Variants in CHSY3 observed in about 807,000 individuals in gnomAD.
The protein encoded by CHSY3 is chondroitin sulfate synthase 3, also known as N-acetylgalactosaminyl-proteoglycan 3-beta-glucuronosyltransferase 3.
A neutral mutation model predicts 67.2 loss-of-function variants in CHSY3; 35 were observed. The observed-to-expected ratio is 0.52, with a 90% CI of 0.40 to 0.69. The LOEUF is 0.69. Ranked by LOEUF, CHSY3 falls within the 30% of genes least tolerant of loss-of-function variation. The pLI is 0.00. For missense variants in CHSY3, 1,069 were observed against 1,138.5 expected (o/e 0.94, Z 0.88); for synonymous variants, 474 against 434.7 (o/e 1.09, Z -1.12).
chr5:129,910,206 A>G (rs1760487765), intron 2 of CHSY3, among the ~76,000 whole-genome samples: 1 of 152,042 alleles, frequency 6.6e-6, no homozygotes, highest in African/African-American at 2.4e-5. Context: ...ATGTAAGAGC[A>G]AACAAAAGAG....
intron 2 of CHSY3, among the ~76,000 whole-genome samples, chr5:130,032,776 T>C (rs1305517800): frequency 1.3e-5 from 2 of 152,164 alleles, no homozygotes; most frequent in Non-Finnish European, 2.9e-5. Flanking sequence ...TTGTTGGAGT[T>C]TCCCAAGATG....
At chr5:130,166,370 C>T (rs917051936) in intron 2 of CHSY3, among the ~76,000 whole-genome samples, 2 of 152,076 alleles carry the variant, frequency 1.3e-5, no homozygotes, top group Non-Finnish European at 2.9e-5. Context: ...CTCATGAAAT[C>T]ATTTTATTAA....
At chr5:130,110,974 T>A (rs1036845586) in intron 2 of CHSY3, among the ~76,000 whole-genome samples, 3 of 152,010 alleles carry the variant, frequency 2.0e-5, no homozygotes, top group African/African-American at 7.2e-5. Flanking sequence ...TGAATTTTTA[T>A]TGCTAGCTCT....
chr5:130,122,110 C>T, intron 2 of CHSY3, among the ~76,000 whole-genome samples: 1 of 152,156 alleles, frequency 6.6e-6, no homozygotes, highest in East Asian at 1.9e-4. Context: ...CCAGAATATA[C>T]ATGAATACAT....
At chr5:130,005,364 G>A (rs149136195) in intron 2 of CHSY3, among the ~76,000 whole-genome samples, 2,418 of 151,860 alleles carry the variant, frequency 0.016, 51 homozygotes, top group African/African-American at 0.054. Flanking sequence ...GCAGTGAGCC[G>A]AGATTGCGCC....
chr5:129,968,899 T>G (rs529057921), intron 2 of CHSY3, among the ~76,000 whole-genome samples: 2 of 151,834 alleles, frequency 1.3e-5, no homozygotes, highest in Admixed American at 1.3e-4. Context: ...CACAGTTAAC[T>G]GAGTCAGAAT....
chr5:129,994,854 A>T (rs963096468), intron 2 of CHSY3, among the ~76,000 whole-genome samples: 1 of 146,506 alleles, frequency 6.8e-6, no homozygotes, highest in African/African-American at 2.5e-5. Flanking sequence ...CAATGAGAAC[A>T]CTTGGACACA....
intron 2 of CHSY3, among the ~76,000 whole-genome samples, chr5:129,997,698 C>G (rs530056883): frequency 1.3e-5 from 2 of 152,068 alleles, no homozygotes; most frequent in Non-Finnish European, 2.9e-5. Context: ...TGATGTTTCC[C>G]GCCCTGTGTC....
intron 2 of CHSY3, among the ~76,000 whole-genome samples, chr5:129,924,662 T>A (rs1410312265): frequency 4.9e-5 from 7 of 143,992 alleles, no homozygotes; most frequent in Admixed American, 4.2e-4. Flanking sequence ...AAAAAAAAAA[T>A]AGAATTAACT....
chr5:130,069,676 T>C (rs1765998470), intron 2 of CHSY3, among the ~76,000 whole-genome samples: 1 of 152,072 alleles, frequency 6.6e-6, no homozygotes, highest in African/African-American at 2.4e-5. Flanking sequence ...ATGATTTGAA[T>C]CTTCACTATC....
chr5:129,943,815 G>T (rs1353317806), intron 2 of CHSY3, among the ~76,000 whole-genome samples: 1 of 152,154 alleles, frequency 6.6e-6, no homozygotes, highest in Non-Finnish European at 1.5e-5. Flanking sequence ...ATAATGATGA[G>T]CATTTACAGC....
At chr5:130,164,172 C>T (rs1187211234) in intron 2 of CHSY3, among the ~76,000 whole-genome samples, 2 of 152,170 alleles carry the variant, frequency 1.3e-5, no homozygotes, top group African/African-American at 4.8e-5. Context: ...TAAAAACTCT[C>T]TATCTGTATT....
intron 2 of CHSY3, among the ~76,000 whole-genome samples, chr5:129,931,462 G>C (rs1265363904): frequency 6.6e-6 from 1 of 152,118 alleles, no homozygotes; most frequent in Non-Finnish European, 1.5e-5. Flanking sequence ...GAATGCTATA[G>C]ATATTTGATC....
rs143747737 is a variant in CHSY3, at chr5:130,051,290, G to A, written c.1087-132939G>A. Among the ~76,000 whole-genome samples, 3 of 152,132 alleles carry A rather than the reference G, an allele frequency of 2.0e-5. No homozygotes were observed. The East Asian group carries it at 5.8e-4, about 29-fold the overall frequency. Reference sequence around the variant, plus strand: ...ATATATTCATTTGTTGCTTCTGTAAGTAAAATATAAAGAATATAATTGAAA... The same window carrying A: ...ATATATTCATTTGTTGCTTCTGTAAATAAAATATAAAGAATATAATTGAAA... On this transcript the variant is annotated intron_variant, in intron 2 of 2. Coordinates refer to ENST00000305031, the MANE Select transcript of CHSY3 (RefSeq NM_175856.5).
chr5:129,918,522 C>T (rs187298803), intron 2 of CHSY3, among the ~76,000 whole-genome samples: 52 of 152,080 alleles, frequency 3.4e-4, no homozygotes, highest in African/African-American at 1.4e-4. Context: ...GCTATGATGG[C>T]GGAAAGTACA....
intron 2 of CHSY3, among the ~76,000 whole-genome samples, chr5:130,121,708 A>C (rs1004757456): frequency 1.3e-5 from 2 of 152,224 alleles, no homozygotes; most frequent in African/African-American, 2.4e-5. Flanking sequence ...CTTAAAAAAC[A>C]AAAACAAAAA....
At chr5:130,071,309 G>A (rs541517149) in intron 2 of CHSY3, among the ~76,000 whole-genome samples, 3 of 152,060 alleles carry the variant, frequency 2.0e-5, no homozygotes, top group East Asian at 1.9e-4. Context: ...GGACTTTTAC[G>A]TTTATATGTT....
rs1466942619 is a variant in CHSY3 at position 130,020,444 on chromosome 5, TATATATATATA to T, written c.1086+112085_1086+112095del. The stretch of plus-strand genomic sequence containing the variant: ...CAAAATATATATATATATATATATA[TATATATATATA>T]TATATATTTTTTTTTTTTTTTTTTC... On this transcript the variant is annotated intron_variant, in intron 2 of 2. Transcript: ENST00000305031. Among the ~76,000 whole-genome samples the T allele has an allele frequency of 2.3e-3, 89 of 38,202 alleles. 3 individuals carry two copies. Among genetic ancestry groups the T allele is most frequent in the Non-Finnish European group, 2.9e-3 (64 of 22,274 alleles). The allele number at this position is 38,202 out of a possible 152,430, so 25.1% of individuals were successfully genotyped here.
intron 2 of CHSY3, among the ~76,000 whole-genome samples, chr5:129,979,077 G>T (rs999227237): frequency 2.6e-5 from 4 of 151,468 alleles, no homozygotes; most frequent in Admixed American, 1.3e-4. Flanking sequence ...GTGGGCGCCT[G>T]TAGTCCCAGC....
Sources: gnomAD v4.1 joint callset for allele counts (sites outside exome capture counted in the v4.1 genomes callset) on GRCh38, gnomAD v4.1.1 for gene constraint, MANE v1.5 for transcripts, NCBI Gene and HGNC (gene_info 2026-07-23, HGNC 2026-07-21) for gene names.